The following GRB10 variants were observed in gnomAD, a reference collection of about 807,000 sequenced individuals.
GRB10 encodes growth factor receptor-bound protein 10.
GRB10 carries 20 observed loss-of-function variants against 80.9 expected under a neutral mutation model. The ratio of observed to expected loss-of-function variants is 0.25; its 90% CI spans 0.17 to 0.36. The LOEUF (loss-of-function observed/expected upper bound fraction) is 0.36. Among genes scored for constraint, GRB10 ranks in the 10% least tolerant of loss-of-function variants. The probability of loss-of-function intolerance (pLI) is 1.00; values close to 1 mark genes in which losing one functional copy is unlikely to be tolerated. For missense variants in GRB10, 548 were observed against 747.7 expected, an observed-to-expected ratio of 0.73 and a Z score of 3.12; for synonymous variants, 291 against 291.5, an observed-to-expected ratio of 1.00 and a Z score of 0.02.
chr7:50,696,586 A>AAC (rs2063452950), intron 5 of GRB10, among the ~76,000 whole-genome samples: 2 of 152,138 alleles, frequency 1.3e-5, no homozygotes, highest in African/African-American at 4.8e-5. Flanking sequence ...CACAGACTTC[A>AAC]ACATCTCTTT....
chr7:50,674,623 T>C lies in GRB10; in HGVS notation c.175A>G (p.Met59Val). ...TACAGGCTCTCCAGGGATGCATTCA[T>C]ATCGTTCACCAGGGCTTCCAGGTCC... Reference protein sequence around the residue: ...DVDLEALVNDMNASLESLYSA... With the variant: ...DVDLEALVNDVNASLESLYSA... The change falls in exon 6 of 19, where the codon ATG becomes GTG. Residue 59 changes from methionine (M) to valine (V), a missense_variant. Met to Val is a conservative substitution (Grantham distance 21). Transcript: ENST00000401949. The C allele has an allele frequency of 6.2e-7, 1 of 1,613,882 alleles. No homozygotes were observed. Among genetic ancestry groups the C allele is most frequent in the Non-Finnish European group, 8.5e-7 (1 of 1,180,038 alleles).
chr7:50,719,445 G>A (rs2153683717), intron 4 of GRB10, among the ~76,000 whole-genome samples: 1 of 149,474 alleles, frequency 6.7e-6, no homozygotes, highest in East Asian at 2.0e-4. Flanking sequence ...AACACTGCAT[G>A]TTCTCACTCA....
At chr7:50,660,265 G>C (rs1208773342) in intron 7 of GRB10, among the ~76,000 whole-genome samples, 2 of 152,200 alleles carry the variant, frequency 1.3e-5, no homozygotes, top group African/African-American at 4.8e-5. Context: ...CAAATGGGAA[G>C]TGGGGGTGCA....
intron 4 of GRB10, among the ~76,000 whole-genome samples, chr7:50,714,119 TCAA>T (rs2066439715): frequency 6.6e-6 from 1 of 151,808 alleles, no homozygotes; most frequent in Non-Finnish European, 1.5e-5. Flanking sequence ...ATCCCCAACT[TCAA>T]CAAAAAGGCA....
intron 5 of GRB10, among the ~76,000 whole-genome samples, chr7:50,698,942 C>T (rs771314217): frequency 7.9e-5 from 12 of 152,186 alleles, no homozygotes; most frequent in Non-Finnish European, 1.8e-4. Context: ...TAATATAGCT[C>T]TCCACTTACT....
chr7:50,777,584 G>GA (rs1274617895), intron 2 of GRB10, among the ~76,000 whole-genome samples: 1 of 151,458 alleles, frequency 6.6e-6, no homozygotes, highest in Non-Finnish European at 1.5e-5. Context: ...AGGACTGTAT[G>GA]AAAAAACTAG....
At chr7:50,698,532 C>A (rs2063735207) in intron 5 of GRB10, among the ~76,000 whole-genome samples, 1 of 152,204 alleles carries the variant, frequency 6.6e-6, no homozygotes, top group East Asian at 1.9e-4. Flanking sequence ...CCATTCCTTG[C>A]CACCCCATGT....
At chr7:50,615,035 T>C (rs942167104) in intron 11 of GRB10, among the ~76,000 whole-genome samples, 155 bp from the exon 12 acceptor site, 5 of 152,188 alleles carry the variant, frequency 3.3e-5, no homozygotes, top group Non-Finnish European at 7.3e-5. Flanking sequence ...GTGTAATAAG[T>C]GCTAAACTAA....
At chr7:50,756,650 C>T (rs569630207) in intron 2 of GRB10, among the ~76,000 whole-genome samples, 3 of 152,274 alleles carry the variant, frequency 2.0e-5, no homozygotes, top group Non-Finnish European at 4.4e-5. Context: ...GAGCTCAAGG[C>T]GCAGAGCCCT....
At chr7:50,648,613 C>T (rs187118876) in intron 7 of GRB10, among the ~76,000 whole-genome samples, 26 of 152,196 alleles carry the variant, frequency 1.7e-4, no homozygotes, top group Non-Finnish European at 2.9e-4. Context: ...AGCATAGGTC[C>T]CCCTCCCATA....
intron 7 of GRB10, among the ~76,000 whole-genome samples, chr7:50,642,946 A>G (rs965453305): frequency 6.6e-6 from 1 of 152,224 alleles, no homozygotes; most frequent in Admixed American, 6.5e-5. Flanking sequence ...GCACCAGTCA[A>G]TGGACATCTG....
chr7:50,649,045 G>A (rs868004252), intron 7 of GRB10, among the ~76,000 whole-genome samples: 18 of 152,026 alleles, frequency 1.2e-4, no homozygotes, highest in Admixed American at 2.0e-4. Context: ...AAGCAAGGGC[G>A]ACCATCCCCC....
At chr7:50,748,447 A>C (rs1292176566) in intron 3 of GRB10, among the ~76,000 whole-genome samples, 1 of 152,212 alleles carries the variant, frequency 6.6e-6, no homozygotes, top group Non-Finnish European at 1.5e-5. Context: ...GGAGTGGAGA[A>C]AGGAGGTAGG....
In GRB10 at chr7:50,591,129, C is replaced by G. The variant is rs1030395037; in HGVS notation, c.*1823G>C. The G allele has an allele frequency of 6.6e-6, 1 of 152,228 alleles. No individual in the cohort carries two copies. Among genetic ancestry groups the G allele is most frequent in the South Asian group, 2.1e-4 (1 of 4,834 alleles). 9.4% of individuals were successfully genotyped at this position (152,228 alleles called of 1,614,324 possible). Reference sequence around the variant, plus strand: ...GTGAACGTGAGAATTATCTTACTGTCAATAGTTTGAAAGACTGACTGGCTG... The same window carrying G: ...GTGAACGTGAGAATTATCTTACTGTGAATAGTTTGAAAGACTGACTGGCTG... On this transcript the variant is annotated 3_prime_UTR_variant, in exon 19 of 19. Transcript: ENST00000401949.
chr7:50,724,826 GC>G (rs1465326566), intron 4 of GRB10, among the ~76,000 whole-genome samples: 1 of 152,124 alleles, frequency 6.6e-6, no homozygotes, highest in African/African-American at 2.4e-5. Context: ...GTTACAGGAG[GC>G]CCATCTTCTG....
At chr7:50,699,777 G>C (rs1314388496) in intron 5 of GRB10, among the ~76,000 whole-genome samples, 1 of 152,042 alleles carries the variant, frequency 6.6e-6, no homozygotes, top group African/African-American at 2.4e-5. Context: ...TGGAGATCTC[G>C]TCCTCTGTGT....
intron 2 of GRB10, among the ~76,000 whole-genome samples, chr7:50,761,383 A>T (rs1371885001): frequency 1.5e-4 from 23 of 152,368 alleles, no homozygotes; most frequent in Non-Finnish European, 7.3e-5. Flanking sequence ...TACTAGAGTG[A>T]GCCTGAAATC....
intron 5 of GRB10, among the ~76,000 whole-genome samples, chr7:50,680,774 G>A (rs2061455141): frequency 6.6e-6 from 1 of 152,170 alleles, no homozygotes; most frequent in Admixed American, 6.5e-5. Context: ...TTTACAGGTG[G>A]TTTCTTAATT....
intron 4 of GRB10, among the ~76,000 whole-genome samples, chr7:50,729,798 T>C (rs2069328033): frequency 6.9e-6 from 1 of 145,726 alleles, no homozygotes; most frequent in African/African-American, 2.5e-5. Context: ...ATTAGTATCA[T>C]TATTCACAGC....
Sources: gnomAD v4.1 joint callset for allele counts (sites outside exome capture counted in the v4.1 genomes callset) on GRCh38, gnomAD v4.1.1 for gene constraint, MANE v1.5 for transcripts, NCBI Gene and HGNC (gene_info 2026-07-23, HGNC 2026-07-21) for gene names.